The following ARHGAP42 variants were observed in gnomAD, a reference collection of about 807,000 sequenced individuals.
ARHGAP42 encodes the protein Rho GTPase activating protein 42, also known as rho GTPase-activating protein 42.
A neutral mutation model predicts 125.0 loss-of-function variants in ARHGAP42; 63 were observed. That is an observed-to-expected ratio of 0.50 (90% CI 0.41 to 0.62). The LOEUF (loss-of-function observed/expected upper bound fraction) is 0.62, where lower values mean the gene tolerates loss of function less well. Ranked by LOEUF, ARHGAP42 falls within the 20% of genes least tolerant of loss-of-function variation. ARHGAP42 has a pLI of 0.00. For missense variants in ARHGAP42, 766 were observed against 1,024.2 expected (o/e 0.75, Z 3.44); for synonymous variants, 339 against 351.0 (o/e 0.97, Z 0.38).
In ARHGAP42 at chr11:100,988,867, C is replaced by G. The variant is rs1858756847; in HGVS notation, c.*66C>G. 8.1e-7 allele frequency: 1 copy of G among 1,236,666 alleles called. No individual in the cohort carries two copies. The highest frequency in any genetic ancestry group is 1.5e-5 in the African/African-American group (1 of 67,572). The allele number at this position is 1,236,666 out of a possible 1,614,324, so 76.6% of individuals were successfully genotyped here. A position where few individuals can be genotyped will look rare whatever the true frequency, so the allele number is the denominator to read the frequency against. On this transcript the variant is annotated 3_prime_UTR_variant, in exon 24 of 24. Transcript: ENST00000298815. ...TAACGAATAAATGCTATGATTTTAT[C>G]TGACACAGATACACGGGGATCAGCC... is the stretch of plus-strand genomic sequence containing the variant.
At chr11:100,938,179 C>G (rs900555030) in intron 8 of ARHGAP42, among the ~76,000 whole-genome samples, 3 of 151,948 alleles carry the variant, frequency 2.0e-5, no homozygotes, top group African/African-American at 7.3e-5. Context: ...ATTCTGTCTT[C>G]TTGATATCCT....
chr11:100,933,091 T>C (rs1867630665), intron 6 of ARHGAP42, 65 bp from the exon 7 acceptor site: 1 of 1,145,382 alleles, frequency 8.7e-7, no homozygotes, highest in East Asian at 2.6e-5. Flanking sequence ...TTTCTCCCTA[T>C]TTTATATCAT....
chr11:100,896,621 G>C (rs571236602), intron 4 of ARHGAP42, among the ~76,000 whole-genome samples: 1 of 152,126 alleles, frequency 6.6e-6, no homozygotes, highest in Admixed American at 6.5e-5. Context: ...GTGTCTGTTG[G>C]CTGCATAAAT....
At position 100,941,941 on chromosome 11, in the gene ARHGAP42, A is replaced by G. The variant is rs1355889987; in HGVS notation, c.933+57A>G. 1.2e-5 allele frequency: 15 copies of G among 1,228,816 alleles called. No homozygotes were observed. In the Admixed American group the frequency reaches 4.2e-4, roughly 34 times the overall value. The allele number at this position is 1,228,816 out of a possible 1,614,324, so 76.1% of individuals were successfully genotyped here. On this transcript the variant is annotated intron_variant, in intron 9 of 23. Coordinates refer to ENST00000298815, the MANE Select transcript of ARHGAP42 (RefSeq NM_152432.4). ...AAACTGTTCATTATTTAAGTAATGG[A>G]ATTAAAACAAAAAAATCACATTTGT...
rs924475593 is a variant in ARHGAP42 at position 100,965,540 on chromosome 11, C to A, written c.1445-131C>A. The A allele has an allele frequency of 2.9e-5, 22 of 760,366 alleles. No homozygotes were observed. In the African/African-American group the frequency reaches 3.6e-4, roughly 12 times the overall value. 47.1% of individuals were successfully genotyped at this position (760,366 alleles called of 1,614,324 possible). A position where few individuals can be genotyped will look rare whatever the true frequency, so the allele number is the denominator to read the frequency against. Reference sequence around the variant, plus strand: ...TGCAAGCCATAGGGAATGATAATGACAGTACTACATGAAGCAATGCCTATG... The same window carrying A: ...TGCAAGCCATAGGGAATGATAATGAAAGTACTACATGAAGCAATGCCTATG... On this transcript the variant is annotated intron_variant, in intron 16 of 23. Transcript: ENST00000298815.
intron 2 of ARHGAP42, among the ~76,000 whole-genome samples, chr11:100,785,575 G>C (rs916144758): frequency 1.3e-5 from 2 of 152,176 alleles, no homozygotes; most frequent in African/African-American, 4.8e-5. Context: ...GGCTTCACTA[G>C]GGTGGGTGGT....
intron 22 of ARHGAP42, 37 bp downstream of exon 22, chr11:100,979,086 AGTG>A (rs1365204687): frequency 6.5e-7 from 1 of 1,543,492 alleles, no homozygotes; most frequent in Admixed American, 2.0e-5. Flanking sequence ...TCTAAAAAAA[AGTG>A]GTGACATTGT....
At chr11:100,731,166 CT>C (rs955199430) in intron 1 of ARHGAP42, among the ~76,000 whole-genome samples, 104 of 146,066 alleles carry the variant, frequency 7.1e-4, no homozygotes, top group Admixed American at 8.2e-4. Context: ...TTATATTCTT[CT>C]TTTTTTTTTT....
At chr11:100,709,866 A>G (rs543709141) in intron 1 of ARHGAP42, among the ~76,000 whole-genome samples, 4 of 152,256 alleles carry the variant, frequency 2.6e-5, no homozygotes, top group Non-Finnish European at 5.9e-5. Flanking sequence ...ATGCGATTGA[A>G]TAAGACTTTC....
chr11:100,961,733 T>C lies in ARHGAP42; in HGVS notation c.1350T>C (p.Asn450=), dbSNP rs61998245. ...ATATTGATATTGAACTGTGGGACAA[T>C]AAGACGATAACAAGTGGGCTGAAAA... ...DIDIDIELWD[N]KTITSGLKNY... The change falls in exon 15 of 24, where the codon AAT becomes AAC. Residue 450 remains asparagine, a synonymous_variant. Coordinates refer to ENST00000298815, the MANE Select transcript of ARHGAP42 (RefSeq NM_152432.4). 3.3e-4 allele frequency: 513 copies of C among 1,551,772 alleles called. 2 individuals carry two copies. The African/African-American group carries it at 5.1e-3, about 16-fold the overall frequency.
chr11:100,835,566 C>A (rs946776746), intron 3 of ARHGAP42, among the ~76,000 whole-genome samples: 1 of 152,076 alleles, frequency 6.6e-6, no homozygotes, highest in East Asian at 1.9e-4. Flanking sequence ...CTCAGACACA[C>A]CAAAGGTGTT....
chr11:100,717,534 G>A (rs1484256214), intron 1 of ARHGAP42, among the ~76,000 whole-genome samples: 7 of 151,704 alleles, frequency 4.6e-5, no homozygotes, highest in Non-Finnish European at 1.0e-4. Context: ...CTACTCAGGA[G>A]GCTGAGGCAG....
Position 100,991,339 on chromosome 11 carries a change from T to C in ARHGAP42, c.*2538T>C, listed in dbSNP as rs1161249134. The C allele has an allele frequency of 6.6e-6, 1 of 152,134 alleles. No individual in the cohort carries two copies. Among genetic ancestry groups the C allele is most frequent in the Admixed American group, 6.6e-5 (1 of 15,262 alleles). The allele number at this position is 152,134 out of a possible 1,614,324, so 9.4% of individuals were successfully genotyped here. ...GAATGTTAATTCCACAGGAAGGCAA[T>C]GCCAGACATTGAAAGAGGATCACAT... is the stretch of plus-strand genomic sequence containing the variant. On this transcript the variant is annotated 3_prime_UTR_variant, in exon 24 of 24. Transcript: ENST00000298815.
chr11:100,792,777 G>A (rs951049472), intron 2 of ARHGAP42, among the ~76,000 whole-genome samples: 5 of 144,450 alleles, frequency 3.5e-5, no homozygotes, highest in African/African-American at 7.9e-5. Flanking sequence ...TTTTGAGACC[G>A]AGTCTCTCTC....
chr11:100,941,676 G>A, intron 8 of ARHGAP42, 108 bp from the exon 9 acceptor site: 2 of 592,590 alleles, frequency 3.4e-6, no homozygotes, highest in Non-Finnish European at 5.7e-6. Context: ...AAACTAGCAT[G>A]GTATAGGAGA....
chr11:100,838,596 C>T (rs573071339), intron 3 of ARHGAP42, among the ~76,000 whole-genome samples: 14 of 151,970 alleles, frequency 9.2e-5, no homozygotes, highest in African/African-American at 3.4e-4. Flanking sequence ...GTCCCAGCCA[C>T]ATGGGAGGAT....
chr11:100,805,631 T>C (rs1204017651), intron 3 of ARHGAP42, among the ~76,000 whole-genome samples: 1 of 152,178 alleles, frequency 6.6e-6, no homozygotes, highest in Non-Finnish European at 1.5e-5. Flanking sequence ...ACTATACTTA[T>C]AGTTACTTCT....
intron 4 of ARHGAP42, among the ~76,000 whole-genome samples, chr11:100,896,087 G>A (rs565863362): frequency 2.6e-5 from 4 of 152,298 alleles, no homozygotes; most frequent in African/African-American, 9.6e-5. Flanking sequence ...GTGAGAACAT[G>A]CGGTGTTTGG....
chr11:100,877,551 C>T (rs558471675), intron 4 of ARHGAP42, among the ~76,000 whole-genome samples: 1 of 152,222 alleles, frequency 6.6e-6, no homozygotes, highest in Admixed American at 6.5e-5. Flanking sequence ...AAAATTCCTA[C>T]CTCAGATTTG....
Sources: allele counts gnomAD v4.1 joint callset (sites outside exome capture counted in the v4.1 genomes callset), GRCh38; gene constraint gnomAD v4.1.1; transcripts MANE v1.5; gene names NCBI Gene and HGNC (gene_info 2026-07-23, HGNC 2026-07-21).